The following CGGBP1 variants were observed in gnomAD, a reference collection of about 807,000 sequenced individuals.
The protein encoded by CGGBP1 is CGG triplet repeat binding protein 1, also known as CGG triplet repeat-binding protein 1.
CGGBP1 carries 4 observed loss-of-function variants against 11.4 expected under a neutral mutation model. That is an observed-to-expected ratio of 0.35 (90% confidence interval 0.17 to 0.80). CGGBP1 has a LOEUF of 0.80. Among genes scored for constraint, CGGBP1 ranks in the 30% least tolerant of loss-of-function variants. The probability of loss-of-function intolerance (pLI) is 0.52; values close to 1 mark genes in which losing one functional copy is unlikely to be tolerated. For missense variants in CGGBP1, 135 were observed against 202.1 expected (o/e 0.67, Z 2.01); for synonymous variants, 76 against 74.1 (o/e 1.03, Z -0.13).
chr3:88,085,874 GATA>G (rs1245732835), intron 2 of CGGBP1, among the ~76,000 whole-genome samples: 6 of 151,988 alleles, frequency 3.9e-5, no homozygotes, highest in South Asian at 2.1e-4. Flanking sequence ...AAATAATAAT[GATA>G]ATAATAATGC....
intron 1 of CGGBP1, chr3:88,141,199 C>A (rs1208160142): frequency 1.2e-6 from 1 of 861,754 alleles, no homozygotes; most frequent in Non-Finnish European, 1.7e-6. Context: ...TTAATACATA[C>A]AACCACTATG....
intron 2 of CGGBP1, among the ~76,000 whole-genome samples, chr3:88,081,271 A>T (rs892837451): frequency 6.6e-6 from 1 of 152,100 alleles, no homozygotes; most frequent in Non-Finnish European, 1.5e-5. Flanking sequence ...GGTGATATTT[A>T]CCTTGATGGC....
chr3:88,142,375 C>T (rs1165613201), intron 1 of CGGBP1: 1 of 151,760 alleles, frequency 6.6e-6, no homozygotes, highest in African/African-American at 2.4e-5. Flanking sequence ...AATTAGTTAA[C>T]ATTTAAAGGG....
At chr3:88,132,460 AAAAG>A (rs1706523086) in intron 2 of CGGBP1, among the ~76,000 whole-genome samples, 2 of 152,208 alleles carry the variant, frequency 1.3e-5, no homozygotes, top group South Asian at 2.1e-4. Flanking sequence ...TTGGTCTTCT[AAAAG>A]AAGACTGTCA....
intron 2 of CGGBP1, chr3:88,086,520 G>A (rs143592628): frequency 4.3e-6 from 4 of 937,986 alleles, no homozygotes; most frequent in Non-Finnish European, 5.8e-6. Flanking sequence ...AAAAAGAAAT[G>A]TTTATTTTTT....
chr3:88,127,173 A>AG (rs927783290), intron 2 of CGGBP1, among the ~76,000 whole-genome samples: 1 of 152,192 alleles, frequency 6.6e-6, no homozygotes, highest in Non-Finnish European at 1.5e-5. Context: ...GGGGAAAAAA[A>AG]CAAGACCTCC....
At chr3:88,098,492 T>G (rs1215137571) in intron 2 of CGGBP1, among the ~76,000 whole-genome samples, 4 of 152,164 alleles carry the variant, frequency 2.6e-5, no homozygotes, top group Non-Finnish European at 5.9e-5. Context: ...GAGGCCAGCA[T>G]CATCCTGATA....
intron 2 of CGGBP1, among the ~76,000 whole-genome samples, chr3:88,066,676 A>T (rs1385558253): frequency 6.6e-6 from 1 of 152,188 alleles, no homozygotes; most frequent in African/African-American, 2.4e-5. Flanking sequence ...TTTTAGTTAT[A>T]TCATCTTTTC....
At chr3:88,070,619 T>C (rs1314225132) in intron 2 of CGGBP1, among the ~76,000 whole-genome samples, 1 of 150,706 alleles carries the variant, frequency 6.6e-6, no homozygotes, top group Non-Finnish European at 1.5e-5. Context: ...GCCCATTTAA[T>C]TTTATATACT....
At chr3:88,138,403 A>G (rs1472608617) in intron 2 of CGGBP1, among the ~76,000 whole-genome samples, 2 of 151,956 alleles carry the variant, frequency 1.3e-5, no homozygotes, top group Admixed American at 6.6e-5. Context: ...AATCTTAATC[A>G]CCATAAGTTT....
rs529872011 is a variant in CGGBP1 at position 88,095,994 on chromosome 3, A to G, written c.-228-37771T>C. 3.6e-5 allele frequency: 8 copies of G among 222,996 alleles called. No homozygotes were observed. In the Middle Eastern group the frequency reaches 2.7e-3, roughly 75 times the overall value. The allele number at this position is 222,996 out of a possible 1,614,324, so 13.8% of individuals were successfully genotyped here. ...CGTGTTGCACTGTTCTACCTGAAGG[A>G]CTAAGGCCACTGCATCCCAGATACC... is the stretch of plus-strand genomic sequence containing the variant. On this transcript the variant is annotated intron_variant, in intron 2 of 3. Coordinates refer to the CGGBP1 transcript ENST00000462901.
Position 88,055,099 on chromosome 3 carries a change from G to A in CGGBP1, c.*374C>T, listed in dbSNP as rs76844407. On this transcript the variant is annotated 3_prime_UTR_variant, in exon 4 of 4. Coordinates refer to ENST00000482016, the MANE Select transcript of CGGBP1 (RefSeq NM_001008390.2). The surrounding 1 kb of genome is among the most constrained non-coding windows in gnomAD (Gnocchi z 4.2). ...TGTTGCCTGGCAGCAGCTTCAATAG[G>A]CTAGTCTTCAATCCAAGTAATTAAG... The A allele has an allele frequency of 1.2e-4, 19 of 162,054 alleles. No homozygotes were observed. In the East Asian group the frequency reaches 3.4e-3, roughly 29 times the overall value. The allele number at this position is 162,054 out of a possible 1,614,324, so 10.0% of individuals were successfully genotyped here.
intron 2 of CGGBP1, among the ~76,000 whole-genome samples, chr3:88,114,701 T>G (rs1195352484): frequency 6.6e-6 from 1 of 152,212 alleles, no homozygotes; most frequent in Non-Finnish European, 1.5e-5. Flanking sequence ...CCTTTTGCTG[T>G]CATGTTATCT....
At position 88,140,777 on chromosome 3, in the gene CGGBP1, T is replaced by C. The variant is rs201767858; in HGVS notation, c.-229+193A>G. 3,653 of 1,613,732 alleles carry C rather than the reference T, an allele frequency of 2.3e-3. 2 individuals carry two copies. The highest frequency in any genetic ancestry group is 2.8e-3 in the Non-Finnish European group (3,309 of 1,179,728). ...CCAAACCAAATCTGACAAGTGAACATACTTCATATGGCTTAATTTTAACAA... is the reference window on the plus strand; with the variant it reads ...CCAAACCAAATCTGACAAGTGAACACACTTCATATGGCTTAATTTTAACAA... On this transcript the variant is annotated intron_variant, in intron 2 of 3. Coordinates refer to the CGGBP1 transcript ENST00000462901.
intron 2 of CGGBP1, among the ~76,000 whole-genome samples, chr3:88,131,314 G>A (rs746843424): frequency 6.6e-6 from 1 of 152,128 alleles, no homozygotes; most frequent in Non-Finnish European, 1.5e-5. Flanking sequence ...GTTACACTGC[G>A]TATAACTGTA....
intron 2 of CGGBP1, among the ~76,000 whole-genome samples, chr3:88,100,241 A>G (rs1229994612): frequency 2.0e-5 from 3 of 152,246 alleles, no homozygotes; most frequent in Non-Finnish European, 4.4e-5. Context: ...ATCACTGGCT[A>G]TCAGAGAAAT....
rs763077512 is a variant in CGGBP1 at position 88,140,767 on chromosome 3, C to T, written c.-229+203G>A. 39 of 1,613,596 alleles carry T rather than the reference C, an allele frequency of 2.4e-5. No individual in the cohort carries two copies. In the Admixed American group the frequency reaches 6.3e-4, roughly 26 times the overall value. On this transcript the variant is annotated intron_variant, in intron 2 of 3. Transcript: ENST00000462901. ...CAGGCACCTTCCAAACCAAATCTGA[C>T]AAGTGAACATACTTCATATGGCTTA...
At chr3:88,134,165 A>G (rs1221088140) in intron 2 of CGGBP1, among the ~76,000 whole-genome samples, 1 of 151,484 alleles carries the variant, frequency 6.6e-6, no homozygotes, top group Non-Finnish European at 1.5e-5. Flanking sequence ...ATGAAATGGA[A>G]TTGGAATTTT....
intron 2 of CGGBP1, among the ~76,000 whole-genome samples, chr3:88,104,366 T>C (rs1013405431): frequency 9.2e-5 from 14 of 152,214 alleles, no homozygotes; most frequent in African/African-American, 3.4e-4. Context: ...TTTAGACTCA[T>C]GGACCGTAGT....
Sources: gnomAD v4.1 joint callset for allele counts (sites outside exome capture counted in the v4.1 genomes callset) on GRCh38, gnomAD v4.1.1 for gene constraint, Gnocchi (gnomAD v3.1) non-coding constraint, MANE v1.5 for transcripts, NCBI Gene and HGNC (gene_info 2026-07-23, HGNC 2026-07-21) for gene names.